The following TYW1 variants were observed in gnomAD, a reference collection of about 807,000 sequenced individuals.
TYW1 encodes the protein tRNA-yW synthesizing protein 1 homolog, also known as S-adenosyl-L-methionine-dependent tRNA 4-demethylwyosine synthase TYW1.
A neutral mutation model predicts 96.2 loss-of-function variants in TYW1; 46 were observed. That is an observed-to-expected ratio of 0.48 (90% CI 0.38 to 0.61). The LOEUF (loss-of-function observed/expected upper bound fraction) is 0.61. Among genes scored for constraint, TYW1 ranks in the 20% least tolerant of loss-of-function variants. TYW1 has a pLI of 0.00. For missense variants in TYW1, 684 were observed against 909.6 expected (o/e 0.75, Z 3.19); for synonymous variants, 274 against 323.0 (o/e 0.85, Z 1.63).
At chr7:67,209,790 T>A (rs1800938924) in intron 15 of TYW1, among the ~76,000 whole-genome samples, 1 of 152,162 alleles carries the variant, frequency 6.6e-6, no homozygotes, top group East Asian at 1.9e-4. Flanking sequence ...TAGTCTGGTC[T>A]TGAACTCCTG....
intron 13 of TYW1, among the ~76,000 whole-genome samples, chr7:67,129,694 G>A (rs1798005841): frequency 6.6e-6 from 1 of 152,306 alleles, no homozygotes. Context: ...TAGAAGGCTC[G>A]TAGGGGTTAA....
chr7:67,121,872 A>G (rs1797769826), intron 13 of TYW1, among the ~76,000 whole-genome samples: 1 of 149,930 alleles, frequency 6.7e-6, no homozygotes, highest in African/African-American at 2.5e-5. Context: ...TTCCTTTTCA[A>G]TATGAGGAGA....
At chr7:66,998,984 G>A (rs377103208) in intron 3 of TYW1, 30 bp downstream of exon 3, 459 of 1,611,738 alleles carry the variant, frequency 2.8e-4, no homozygotes, top group Non-Finnish European at 3.6e-4. Context: ...CTTTTCCTTT[G>A]GTTTCCTGAC....
intron 7 of TYW1, among the ~76,000 whole-genome samples, chr7:67,041,518 T>C (rs951400504): frequency 1.3e-5 from 2 of 152,204 alleles, no homozygotes; most frequent in African/African-American, 4.8e-5. Context: ...CAGGCTGGTC[T>C]TGAACTCCTG....
chr7:67,018,863 C>T (rs1436677400), intron 6 of TYW1, among the ~76,000 whole-genome samples: 7 of 147,104 alleles, frequency 4.8e-5, no homozygotes, highest in Admixed American at 7.0e-5. Context: ...GGCTGAGGCA[C>T]GAGAATCGCT....
intron 15 of TYW1, among the ~76,000 whole-genome samples, chr7:67,200,558 C>T (rs920734760): frequency 6.6e-6 from 1 of 152,110 alleles, no homozygotes; most frequent in Non-Finnish European, 1.5e-5. Context: ...TCAGTTATCT[C>T]CCACCAGGTC....
chr7:67,055,973 T>A (rs1795502729), intron 9 of TYW1, 86 bp downstream of exon 9: 1 of 1,037,026 alleles, frequency 9.6e-7, no homozygotes, highest in African/African-American at 1.6e-5. Context: ...ATTTACTATT[T>A]AGAGGTATAA....
intron 13 of TYW1, among the ~76,000 whole-genome samples, chr7:67,123,628 G>A (rs577996118): frequency 3.6e-4 from 41 of 112,844 alleles, no homozygotes; most frequent in African/African-American, 1.2e-3. Flanking sequence ...CTTTAGCAAC[G>A]GATTGTAGTT....
At chr7:67,014,882 A>T (rs1251094840) in intron 5 of TYW1, among the ~76,000 whole-genome samples, 1 of 151,802 alleles carries the variant, frequency 6.6e-6, no homozygotes, top group Non-Finnish European at 1.5e-5. Flanking sequence ...GGCATGTGCC[A>T]CCAGGCTTGG....
At position 67,183,649 on chromosome 7, in the gene TYW1, A is replaced by G. The variant is rs528007013; in HGVS notation, c.1809+413A>G. ...CCCATCCAACCATCACTCACCTTCA[A>G]AAATGATCAACTCATGACCCAGAGT... On this transcript the variant is annotated intron_variant, in intron 14 of 15. Coordinates refer to ENST00000359626, the MANE Select transcript of TYW1 (RefSeq NM_018264.4). 3.9e-5 allele frequency among the ~76,000 whole-genome samples: 6 copies of G among 152,312 alleles called. No individual in the cohort carries two copies. The East Asian group carries it at 9.6e-4, about 24-fold the overall frequency.
At chr7:66,997,068 T>C in intron 1 of TYW1, 86 bp downstream of exon 1, 1 of 1,596,254 alleles carries the variant, frequency 6.3e-7, no homozygotes, top group Non-Finnish European at 8.5e-7. Context: ...AGTGGCGTCC[T>C]CGGTCCCTTT....
intron 8 of TYW1, among the ~76,000 whole-genome samples, chr7:67,052,883 GCGT>G (rs1424113335): frequency 9.7e-4 from 148 of 151,856 alleles, no homozygotes; most frequent in Middle Eastern, 3.4e-3. Context: ...CTGAGTAATT[GCGT>G]GCCCACTACC....
intron 4 of TYW1, among the ~76,000 whole-genome samples, chr7:67,012,956 T>C (rs28502215): frequency 0.074 from 11,168 of 151,902 alleles, 1,322 homozygotes; most frequent in African/African-American, 0.25. Context: ...CCCAAACATT[T>C]TGGATAACGG....
intron 13 of TYW1, among the ~76,000 whole-genome samples, chr7:67,132,608 G>A (rs1380479523): frequency 6.6e-6 from 1 of 152,052 alleles, no homozygotes; most frequent in Non-Finnish European, 1.5e-5. Flanking sequence ...GTGGTATCAT[G>A]TACATTCATA....
At position 67,046,845 on chromosome 7, in the gene TYW1, G is replaced by A. The variant is rs140784788; in HGVS notation, c.985-3104G>A. ...TGCCCTTATGACTGACTCTGGGGTTGCAACACTCACATTTTATAATAGATA... is the reference window on the plus strand; with the variant it reads ...TGCCCTTATGACTGACTCTGGGGTTACAACACTCACATTTTATAATAGATA... On this transcript the variant is annotated intron_variant, in intron 7 of 15. Transcript: ENST00000359626. Among the ~76,000 whole-genome samples, 18 of 152,292 alleles carry A rather than the reference G, an allele frequency of 1.2e-4. 1 individual carries two copies. In the East Asian group the frequency reaches 3.5e-3, roughly 29 times the overall value.
intron 3 of TYW1, among the ~76,000 whole-genome samples, chr7:67,006,792 G>T (rs1013301761): frequency 1.3e-5 from 2 of 151,756 alleles, no homozygotes; most frequent in African/African-American, 4.8e-5. Context: ...AATTTATAAA[G>T]AAAAGAGGTT....
intron 13 of TYW1, among the ~76,000 whole-genome samples, chr7:67,163,485 G>A (rs1799225520): frequency 6.6e-6 from 1 of 151,948 alleles, no homozygotes; most frequent in African/African-American, 2.4e-5. Context: ...CCAAGTTGCC[G>A]GGTGGATGTC....
At chr7:67,227,026 T>C (rs1801582804) in intron 15 of TYW1, among the ~76,000 whole-genome samples, 2 of 152,208 alleles carry the variant, frequency 1.3e-5, no homozygotes, top group African/African-American at 4.8e-5. Context: ...GAAAATAATA[T>C]GAATGATTCG....
chr7:67,238,232 C>T, intron 15 of TYW1, 76 bp from the exon 16 acceptor site: 1 of 1,578,656 alleles, frequency 6.3e-7, no homozygotes, highest in East Asian at 2.2e-5. Context: ...CAGACTTGTT[C>T]ATGATTTTAA....
Sources: gnomAD v4.1 joint callset for allele counts (sites outside exome capture counted in the v4.1 genomes callset) on GRCh38, gnomAD v4.1.1 for gene constraint, MANE v1.5 for transcripts, NCBI Gene and HGNC (gene_info 2026-07-23, HGNC 2026-07-21) for gene names.